Variants in TBCD observed in about 807,000 individuals in gnomAD.
TBCD encodes the protein tubulin-specific chaperone D.
In TBCD, 105 loss-of-function variants were observed where a neutral mutation model predicts 169.3. The observed-to-expected ratio is 0.62, with a 90% CI of 0.53 to 0.73. The LOEUF is 0.73. Among genes scored for constraint, TBCD ranks in the 30% least tolerant of loss-of-function variants. The pLI is 0.00. For missense variants in TBCD, 1,444 were observed against 1,600.1 expected, an observed-to-expected ratio of 0.90 and a Z score of 1.66; for synonymous variants, 700 against 643.9, an observed-to-expected ratio of 1.09 and a Z score of -1.32.
chr17:82,804,507 G>A (rs1194523373), intron 9 of TBCD, among the ~76,000 whole-genome samples: 3 of 152,198 alleles, frequency 2.0e-5, no homozygotes, highest in Non-Finnish European at 4.4e-5. Context: ...TGAAGGCGCC[G>A]GCCTGGCCAC....
intron 14 of TBCD, among the ~76,000 whole-genome samples, chr17:82,872,401 C>T (rs935242031): frequency 6.6e-6 from 1 of 152,204 alleles, no homozygotes; most frequent in South Asian, 2.1e-4. Flanking sequence ...AGGGGCTTGG[C>T]TGCTGGTGGT....
At chr17:82,931,470 G>A (rs756097535) in intron 33 of TBCD, among the ~76,000 whole-genome samples, 19 of 152,226 alleles carry the variant, frequency 1.2e-4, no homozygotes, top group Admixed American at 2.6e-4. Context: ...TTGAGGCGCT[G>A]GGCCGCGTGC....
rs561286752 is a variant in TBCD at position 82,848,835 on chromosome 17, C to T, written c.1319-21389C>T. On this transcript the variant is annotated intron_variant, in intron 13 of 38. Coordinates refer to ENST00000355528, the MANE Select transcript of TBCD (RefSeq NM_005993.5). ...CCCCCGCTCTGCTGCGTCTTCTCCA[C>T]CTCGATGTCCCCCTCTGCCTGCTGC... Among the ~76,000 whole-genome samples the T allele has an allele frequency of 1.5e-4, 23 of 151,862 alleles. 1 individual carries two copies. Among genetic ancestry groups the T allele is most frequent in the African/African-American group, 5.6e-4 (23 of 41,364 alleles).
chr17:82,774,691 G>A (rs1315905881), intron 6 of TBCD, among the ~76,000 whole-genome samples: 2 of 152,216 alleles, frequency 1.3e-5, no homozygotes, highest in Non-Finnish European at 2.9e-5. Context: ...CCCCACCCGA[G>A]TGTGTCTACC....
intron 14 of TBCD, among the ~76,000 whole-genome samples, chr17:82,871,916 C>T (rs1200477318): frequency 2.1e-5 from 3 of 145,000 alleles, no homozygotes; most frequent in Admixed American, 6.7e-5. Context: ...ACAAGCAGCT[C>T]GTTGTGAGGC....
At chr17:82,753,523 C>G (rs1216376605) in intron 1 of TBCD, among the ~76,000 whole-genome samples, 1 of 139,908 alleles carries the variant, frequency 7.1e-6, no homozygotes, top group Non-Finnish European at 1.5e-5. Context: ...GTGGTGCGAT[C>G]TTGGCTCACT....
At position 82,940,233 on chromosome 17, in the gene TBCD, A is replaced by ACACACT. The variant is rs1215938918; in HGVS notation, c.3479+762_3479+763insTCACAC. On this transcript the variant is annotated intron_variant, in intron 37 of 38. Transcript: ENST00000355528. ...CACTTGCACGCGCGCACACACACAC[A>ACACACT]CACACACACACACTTCTAAAAGGGG... Among the ~76,000 whole-genome samples the ACACACT allele has an allele frequency of 4.6e-5, 7 of 151,994 alleles. No homozygotes were observed. The Middle Eastern group carries it at 0.01, about 222-fold the overall frequency.
In TBCD at chr17:82,929,178, A is replaced by G; in HGVS notation, c.2759A>G (p.His920Arg). The G allele has an allele frequency of 1.2e-6, 2 of 1,613,424 alleles. No individual in the cohort carries two copies. Among genetic ancestry groups the G allele is most frequent in the Non-Finnish European group, 1.7e-6 (2 of 1,179,814 alleles). Residue 920 changes from histidine (H) to arginine (R), a missense_variant, in exon 31 of 39, where the codon CAC becomes CGC. Physicochemically the swap from His to Arg is conservative, Grantham distance 29. Coordinates refer to ENST00000355528, the MANE Select transcript of TBCD (RefSeq NM_005993.5). The part of the protein sequence containing the change: ...ASEKIDRFRA[H>R]AASVFLTLLH... ...GAGAAGATTGACCGTTTCCGTGCTC[A>G]CGCCGCCAGCGTGTTCCTGACGCTC... is the stretch of plus-strand genomic sequence containing the variant.
chr17:82,911,915 G>A, intron 23 of TBCD, 126 bp downstream of exon 23: 1 of 921,800 alleles, frequency 1.1e-6, no homozygotes, highest in Non-Finnish European at 1.7e-6. Flanking sequence ...TGTTTCTTCT[G>A]TGGAGGCGGC....
intron 14 of TBCD, among the ~76,000 whole-genome samples, chr17:82,877,243 A>G (rs926293733): frequency 6.6e-6 from 1 of 152,264 alleles, no homozygotes; most frequent in Admixed American, 6.5e-5. Context: ...ACAGGTTTCA[A>G]AAAATGAAAC....
chr17:82,808,907 G>T (rs562707068), intron 11 of TBCD, among the ~76,000 whole-genome samples: 120 of 151,306 alleles, frequency 7.9e-4, no homozygotes, highest in African/African-American at 2.7e-3. Context: ...GACAAGGCAG[G>T]TGGAGGGGAT....
intron 13 of TBCD, among the ~76,000 whole-genome samples, chr17:82,825,135 G>A (rs536923321): frequency 8.5e-5 from 13 of 152,306 alleles, no homozygotes; most frequent in Middle Eastern, 3.4e-3. Flanking sequence ...CATTGTGCTT[G>A]GGCGGGGTTC....
rs1353220168 is a variant in TBCD, at chr17:82,806,295, G to T, written c.1087+284G>T. On this transcript the variant is annotated intron_variant, in intron 10 of 38. Coordinates refer to ENST00000355528, the MANE Select transcript of TBCD (RefSeq NM_005993.5). The surrounding 1 kb of genome is among the most constrained non-coding windows in gnomAD (Gnocchi z 5.1). ...TCTGGGCAGCTGGGTGTGTCCTCAG[G>T]AAACAGTTCTCCCAGGAAATTGAGT... Among the ~76,000 whole-genome samples the T allele has an allele frequency of 1.3e-5, 2 of 152,120 alleles. No individual in the cohort carries two copies. Among genetic ancestry groups the T allele is most frequent in the African/African-American group, 2.4e-5 (1 of 41,418 alleles).
rs955831462 is a variant in TBCD, at chr17:82,922,755, C to T, written c.2179-897C>T. On this transcript the variant is annotated intron_variant, in intron 25 of 38. Coordinates refer to ENST00000355528, the MANE Select transcript of TBCD (RefSeq NM_005993.5). This position sits in a 1 kb window ranked among gnomAD's most constrained non-coding sequence, Gnocchi z 4.1. ...CTCCTCTGCTCATGGCCCCCACCTG[C>T]CCCGCCCCCAGTGCCTCTCCAAGGC... Among the ~76,000 whole-genome samples, 6 of 152,244 alleles carry T rather than the reference C, an allele frequency of 3.9e-5. No homozygotes were observed. The highest frequency in any genetic ancestry group is 7.3e-5 in the Non-Finnish European group (5 of 68,042).
chr17:82,861,789 T>C (rs1481960471), intron 13 of TBCD, among the ~76,000 whole-genome samples: 1 of 152,240 alleles, frequency 6.6e-6, no homozygotes, highest in African/African-American at 2.4e-5. Flanking sequence ...ATGGGAATTT[T>C]AATAGGGAAT....
intron 13 of TBCD, among the ~76,000 whole-genome samples, chr17:82,852,443 G>A (rs1464572562): frequency 5.3e-5 from 8 of 152,178 alleles, no homozygotes; most frequent in Admixed American, 5.2e-4. Flanking sequence ...TGGAGGCTGG[G>A]TGTCCAAGGT....
intron 13 of TBCD, among the ~76,000 whole-genome samples, chr17:82,838,015 T>C (rs1396870388): frequency 1.3e-5 from 2 of 152,242 alleles, no homozygotes; most frequent in East Asian, 3.8e-4. Flanking sequence ...TTTCTAAATA[T>C]TTTAAATGTT....
intron 7 of TBCD, among the ~76,000 whole-genome samples, chr17:82,797,464 C>T (rs2050182053): frequency 6.6e-6 from 1 of 152,148 alleles, no homozygotes; most frequent in Non-Finnish European, 1.5e-5. Flanking sequence ...GAACTTAAAC[C>T]TGGGCACGTT....
At position 82,933,073 on chromosome 17, in the gene TBCD, C is replaced by G. The variant is rs578153210; in HGVS notation, c.3191+338C>G. ...GGAGCCGCAGGGCCTGAAGGGGCCT[C>G]GGCTGTACGGGGATGAGACTCGCAG... On this transcript the variant is annotated intron_variant, in intron 34 of 38. Transcript: ENST00000355528. Among the ~76,000 whole-genome samples, 8 of 152,124 alleles carry G rather than the reference C, an allele frequency of 5.3e-5. 1 individual carries two copies. Among genetic ancestry groups the G allele is most frequent in the Admixed American group, 5.2e-4 (8 of 15,286 alleles).
Sources: allele counts gnomAD v4.1 joint callset (sites outside exome capture counted in the v4.1 genomes callset), GRCh38; gene constraint gnomAD v4.1.1; non-coding constraint Gnocchi (gnomAD v3.1); transcripts MANE v1.5; gene names NCBI Gene and HGNC (gene_info 2026-07-23, HGNC 2026-07-21).